SAMD5: variants seen among roughly 807,000 people sequenced by gnomAD.
SAMD5 encodes sterile alpha motif domain-containing protein 5.
Under a neutral mutation model 11.3 loss-of-function variants are expected in SAMD5, and 13 were observed. The observed-to-expected ratio is 1.15, with a 90% CI of 0.75 to 1.83. The LOEUF (loss-of-function observed/expected upper bound fraction) is 1.83. SAMD5 is among the 40% of genes most tolerant of loss of function. The probability of loss-of-function intolerance (pLI) is 0.00; values close to 1 mark genes in which losing one functional copy is unlikely to be tolerated. For synonymous variants in SAMD5, 129 were observed against 111.3 expected (o/e 1.16, Z -1.00); for missense variants, 255 against 239.1 (o/e 1.07, Z -0.44).
At chr6:147,832,425 T>C in the SAMD5 span, among the ~76,000 whole-genome samples, 7 of 152,220 alleles carry the variant, frequency 4.6e-5, no homozygotes, top group Non-Finnish European at 1.0e-4. Context: ...TTGATTTTAC[T>C]GACAAGAGTG....
intron 1 of SAMD5, among the ~76,000 whole-genome samples, chr6:147,644,617 AT>A (rs1461033796): frequency 6.6e-6 from 1 of 152,226 alleles, no homozygotes; most frequent in Non-Finnish European, 1.5e-5. Flanking sequence ...TTAGAACTTG[AT>A]AAAAAAAGTT....
intron 1 of SAMD5, among the ~76,000 whole-genome samples, chr6:147,618,727 C>T (rs1419836011): frequency 1.3e-5 from 2 of 152,186 alleles, no homozygotes; most frequent in African/African-American, 4.8e-5. Flanking sequence ...CCTTAGGGCA[C>T]CTGACTGCCT....
intron 1 of SAMD5, among the ~76,000 whole-genome samples, chr6:147,626,791 G>GAAAAAAAAAAAAAAAAAAA (rs529975933): frequency 1.1e-3 from 58 of 54,728 alleles, no homozygotes; most frequent in Non-Finnish European, 1.4e-3. Context: ...CTGTTTCTAT[G>GAAAAAAAAAAAAAAAAAAA]AAAAAAAAAA....
intron 1 of SAMD5, among the ~76,000 whole-genome samples, chr6:147,525,877 T>G (rs929325811): frequency 3.9e-5 from 6 of 152,102 alleles, no homozygotes; most frequent in African/African-American, 1.4e-4. Context: ...CCAGCATGCC[T>G]CCTGGAAAGC....
At chr6:147,518,742 A>G (rs933730645) in intron 1 of SAMD5, among the ~76,000 whole-genome samples, 4 of 152,214 alleles carry the variant, frequency 2.6e-5, no homozygotes, top group Non-Finnish European at 5.9e-5. Context: ...GGCTATGGGA[A>G]AGGCTTGTTA....
the SAMD5 span, among the ~76,000 whole-genome samples, chr6:147,750,182 G>A: frequency 7.9e-5 from 12 of 152,254 alleles, no homozygotes; most frequent in South Asian, 1.7e-3. Context: ...TTGAGAGATA[G>A]GTATTGTCTT....
intron 1 of SAMD5, among the ~76,000 whole-genome samples, chr6:147,591,023 T>A (rs759683848): frequency 6.6e-6 from 1 of 152,212 alleles, no homozygotes; most frequent in Non-Finnish European, 1.5e-5. Flanking sequence ...GTATTAGTGC[T>A]ATTCTTCGAG....
chr6:147,560,268 C>G (rs548188597), intron 1 of SAMD5, among the ~76,000 whole-genome samples: 1 of 152,034 alleles, frequency 6.6e-6, no homozygotes, highest in Non-Finnish European at 1.5e-5. Context: ...GCCAGTGTAA[C>G]GTAGCTGAAT....
chr6:147,718,700 T>C (rs201121517), intron 1 of SAMD5, among the ~76,000 whole-genome samples: 1 of 148,856 alleles, frequency 6.7e-6, no homozygotes, highest in African/African-American at 2.5e-5. Context: ...GTTTTTTTTC[T>C]TTTTTTTGGA....
chr6:147,932,767 C>T, the SAMD5 span, among the ~76,000 whole-genome samples: 2 of 151,986 alleles, frequency 1.3e-5, no homozygotes, highest in Non-Finnish European at 2.9e-5. Flanking sequence ...CTTTGGTGTT[C>T]ATGGTAAACA....
intron 1 of SAMD5, among the ~76,000 whole-genome samples, chr6:147,633,531 A>C (rs1790182218): frequency 6.6e-6 from 1 of 152,096 alleles, no homozygotes; most frequent in Admixed American, 6.6e-5. Flanking sequence ...AGCTTATACC[A>C]CCATAGGCTG....
chr6:147,546,154 A>G (rs1788682014), intron 1 of SAMD5, among the ~76,000 whole-genome samples: 1 of 152,158 alleles, frequency 6.6e-6, no homozygotes, highest in African/African-American at 2.4e-5. Context: ...CAGGGGTCCA[A>G]GCTCCCTCCA....
At chr6:147,784,985 A>G in the SAMD5 span, among the ~76,000 whole-genome samples, 1 of 152,178 alleles carries the variant, frequency 6.6e-6, no homozygotes, top group Non-Finnish European at 1.5e-5. Flanking sequence ...TATATTTGTT[A>G]TTTTAAATGA....
the SAMD5 span, among the ~76,000 whole-genome samples, chr6:147,769,294 G>A: frequency 6.6e-6 from 1 of 152,224 alleles, no homozygotes; most frequent in Admixed American, 6.5e-5. Flanking sequence ...TCTAGAGAGT[G>A]AAGCTCCATT....
At chr6:147,605,302 TGG>T (rs1180222982) in intron 1 of SAMD5, among the ~76,000 whole-genome samples, 4 of 152,242 alleles carry the variant, frequency 2.6e-5, no homozygotes, top group African/African-American at 9.6e-5. Flanking sequence ...TTTGTAGAGA[TGG>T]GGGTCTCACT....
At chr6:147,774,679 AT>A in the SAMD5 span, among the ~76,000 whole-genome samples, 14 of 151,166 alleles carry the variant, frequency 9.3e-5, no homozygotes, top group East Asian at 5.9e-4. Context: ...GAGTGGAGGG[AT>A]TTTTTTTACT....
the SAMD5 span, among the ~76,000 whole-genome samples, chr6:147,922,888 C>G: frequency 1.3e-5 from 2 of 152,144 alleles, no homozygotes; most frequent in Non-Finnish European, 2.9e-5. Context: ...GTTCCAGCAT[C>G]AAGGGCTCAG....
At chr6:147,624,460 C>T (rs1790020980) in intron 1 of SAMD5, among the ~76,000 whole-genome samples, 2 of 152,226 alleles carry the variant, frequency 1.3e-5, no homozygotes, top group Non-Finnish European at 2.9e-5. Flanking sequence ...GTTTAGCTTC[C>T]ACTTATGAGT....
chr6:147,820,009 G>A, the SAMD5 span, among the ~76,000 whole-genome samples: 1,922 of 152,306 alleles, frequency 0.013, 48 homozygotes, highest in African/African-American at 0.045. Context: ...GGACAGAAGA[G>A]ACAAGGTGTG....
Sources: allele counts gnomAD v4.1 joint callset (sites outside exome capture counted in the v4.1 genomes callset), GRCh38; gene constraint gnomAD v4.1.1; transcripts MANE v1.5; gene names NCBI Gene and HGNC (gene_info 2026-07-23, HGNC 2026-07-21).